SLIT3: variants seen among roughly 807,000 people sequenced by gnomAD.
SLIT3 encodes slit guidance ligand 3.
In SLIT3, 68 loss-of-function variants were observed where a neutral mutation model predicts 184.0. The observed-to-expected ratio is 0.37, with a 90% confidence interval of 0.30 to 0.45. SLIT3 has a LOEUF of 0.45. SLIT3 is among the 20% of genes least tolerant of loss of function. The pLI, the probability that SLIT3 is intolerant of heterozygous loss-of-function variation, is 1.00. For missense variants in SLIT3, 1,707 were observed against 2,026.0 expected, an observed-to-expected ratio of 0.84 and a Z score of 3.02; for synonymous variants, 831 against 828.6, an observed-to-expected ratio of 1.00 and a Z score of -0.05.
At chr5:168,917,334 C>T (rs987079304) in intron 4 of SLIT3, among the ~76,000 whole-genome samples, 3 of 152,190 alleles carry the variant, frequency 2.0e-5, no homozygotes, top group African/African-American at 7.2e-5. Context: ...TGAACCCTTC[C>T]TGCTCTGCTG....
At chr5:168,702,151 G>A (rs1762236046) in intron 26 of SLIT3, among the ~76,000 whole-genome samples, 1 of 152,196 alleles carries the variant, frequency 6.6e-6, no homozygotes, top group Non-Finnish European at 1.5e-5. Context: ...AACAACACAG[G>A]GCCCCTTTCT....
At chr5:168,727,648 T>TC (rs1417132980) in intron 20 of SLIT3, among the ~76,000 whole-genome samples, 1 of 152,212 alleles carries the variant, frequency 6.6e-6, no homozygotes, top group Non-Finnish European at 1.5e-5. Flanking sequence ...TCCTCAGGCC[T>TC]CTCATCTGTA....
chr5:168,709,578 C>A (rs1193970809), intron 25 of SLIT3, among the ~76,000 whole-genome samples: 3 of 152,182 alleles, frequency 2.0e-5, no homozygotes, highest in Non-Finnish European at 4.4e-5. Flanking sequence ...AGTATCAGAT[C>A]AGATAGCTTA....
intron 5 of SLIT3, among the ~76,000 whole-genome samples, chr5:168,868,773 G>T (rs373057306): frequency 2.1e-5 from 3 of 144,258 alleles, no homozygotes; most frequent in African/African-American, 5.2e-5. Flanking sequence ...AAAAGAAAAA[G>T]AAAAAGAAAA....
chr5:169,291,635 CATT>C (rs971389706), intron 1 of SLIT3, among the ~76,000 whole-genome samples: 4 of 152,214 alleles, frequency 2.6e-5, no homozygotes, highest in East Asian at 3.8e-4. Flanking sequence ...CAGATCACAT[CATT>C]GACATTCTTC....
At chr5:168,986,546 C>T (rs1273343865) in intron 4 of SLIT3, among the ~76,000 whole-genome samples, 1 of 152,154 alleles carries the variant, frequency 6.6e-6, no homozygotes, top group Admixed American at 6.5e-5. Context: ...TGTCCTCGTC[C>T]ATCCCACCCC....
chr5:169,065,808 C>G (rs976626709), intron 4 of SLIT3, among the ~76,000 whole-genome samples: 2 of 152,186 alleles, frequency 1.3e-5, no homozygotes, highest in Non-Finnish European at 2.9e-5. Context: ...GAGGGAGGAA[C>G]AGAGGGTGAG....
intron 4 of SLIT3, among the ~76,000 whole-genome samples, chr5:168,956,480 C>T (rs1486351502): frequency 1.3e-5 from 2 of 152,264 alleles, no homozygotes; most frequent in South Asian, 2.1e-4. Flanking sequence ...AATGAGAAGG[C>T]TCAACCAGCT....
At chr5:168,961,373 A>T (rs1181099044) in intron 4 of SLIT3, among the ~76,000 whole-genome samples, 1 of 152,264 alleles carries the variant, frequency 6.6e-6, no homozygotes, top group Non-Finnish European at 1.5e-5. Context: ...AAATAAAATT[A>T]ACAAAACTAA....
At chr5:168,792,757 T>G (rs1361890825) in intron 10 of SLIT3, among the ~76,000 whole-genome samples, 1 of 152,194 alleles carries the variant, frequency 6.6e-6, no homozygotes, top group East Asian at 1.9e-4. Context: ...CTGTCTCCAG[T>G]GCTTTCTACT....
chr5:168,861,533 A>G (rs1408535521), intron 5 of SLIT3, among the ~76,000 whole-genome samples: 3 of 152,086 alleles, frequency 2.0e-5, no homozygotes, highest in African/African-American at 7.2e-5. Flanking sequence ...TGGTAGTAAA[A>G]TGGGCAAAGA....
At chr5:168,810,788 C>T (rs1757134679) in intron 8 of SLIT3, among the ~76,000 whole-genome samples, 1 of 152,162 alleles carries the variant, frequency 6.6e-6, no homozygotes, top group Non-Finnish European at 1.5e-5. Context: ...CCCCTCCCAG[C>T]TCCTCACTGA....
chr5:168,750,856 C>T (rs1048134850), intron 18 of SLIT3, among the ~76,000 whole-genome samples: 2 of 152,012 alleles, frequency 1.3e-5, no homozygotes, highest in Non-Finnish European at 2.9e-5. Context: ...AATCCCTGTC[C>T]TTCGGGATCT....
chr5:168,885,927 CT>C (rs1760188523), intron 4 of SLIT3, among the ~76,000 whole-genome samples: 1 of 152,284 alleles, frequency 6.6e-6, no homozygotes, highest in Admixed American at 6.5e-5. Context: ...GGCCATGTTG[CT>C]GGGAGACCTC....
At chr5:168,887,863 T>C (rs1057477337) in intron 4 of SLIT3, among the ~76,000 whole-genome samples, 2 of 152,162 alleles carry the variant, frequency 1.3e-5, no homozygotes, top group African/African-American at 4.8e-5. Flanking sequence ...AAATGTCCTT[T>C]TTCAGCACCC....
intron 5 of SLIT3, among the ~76,000 whole-genome samples, chr5:168,872,037 A>G (rs1422958716): frequency 1.3e-5 from 2 of 152,324 alleles, no homozygotes; most frequent in East Asian, 3.9e-4. Flanking sequence ...TACGCTTCAC[A>G]CTGTGGCTGG....
chr5:168,932,299 A>G (rs571449892), intron 4 of SLIT3, among the ~76,000 whole-genome samples: 55 of 142,488 alleles, frequency 3.9e-4, no homozygotes, highest in Middle Eastern at 7.4e-3. Context: ...TATATTTCAA[A>G]TCATTCTTCT....
chr5:169,219,671 T>G (rs1205211459), intron 3 of SLIT3, among the ~76,000 whole-genome samples: 1 of 152,222 alleles, frequency 6.6e-6, no homozygotes, highest in Non-Finnish European at 1.5e-5. Context: ...AAGGGAGGGC[T>G]TCTCATCTTA....
chr5:168,955,392 G>A (rs1762789707), intron 4 of SLIT3, among the ~76,000 whole-genome samples: 1 of 152,166 alleles, frequency 6.6e-6, no homozygotes, highest in African/African-American at 2.4e-5. Flanking sequence ...TAATGGTTAG[G>A]ACTCAATTGC....
Sources: allele counts gnomAD v4.1 joint callset (sites outside exome capture counted in the v4.1 genomes callset), GRCh38; gene constraint gnomAD v4.1.1; transcripts MANE v1.5; gene names NCBI Gene and HGNC (gene_info 2026-07-23, HGNC 2026-07-21).